The following LRRC49 variants were observed in gnomAD, a reference collection of about 807,000 sequenced individuals.
The protein encoded by LRRC49 is leucine-rich repeat-containing protein 49.
Under a neutral mutation model 83.3 loss-of-function variants are expected in LRRC49, and 50 were observed. That is an observed-to-expected ratio of 0.60 (90% CI 0.48 to 0.76). The LOEUF (loss-of-function observed/expected upper bound fraction) is 0.76, where lower values mean the gene tolerates loss of function less well. Among genes scored for constraint, LRRC49 ranks in the 30% least tolerant of loss-of-function variants. LRRC49 has a pLI of 0.00. For missense variants in LRRC49, 704 were observed against 809.1 expected, an observed-to-expected ratio of 0.87 and a Z score of 1.58; for synonymous variants, 286 against 283.3, an observed-to-expected ratio of 1.01 and a Z score of -0.10.
chr15:70,965,635 T>C (rs2036768652), intron 9 of LRRC49, among the ~76,000 whole-genome samples: 1 of 152,098 alleles, frequency 6.6e-6, no homozygotes, highest in African/African-American at 2.4e-5. Context: ...ATTAATATCA[T>C]AGCAGTGATT....
At chr15:70,903,087 A>G (rs1022905413) in intron 4 of LRRC49, among the ~76,000 whole-genome samples, 2 of 152,138 alleles carry the variant, frequency 1.3e-5, no homozygotes, top group African/African-American at 4.8e-5. Context: ...CGATTCAAGA[A>G]TTGGATGAAA....
At chr15:70,900,810 A>C in intron 3 of LRRC49, 112 bp from the exon 4 acceptor site, 1 of 670,652 alleles carries the variant, frequency 1.5e-6, no homozygotes, top group Non-Finnish European at 2.6e-6. Context: ...TGGAAACTAT[A>C]CTTTCTAGAT....
intron 8 of LRRC49, among the ~76,000 whole-genome samples, chr15:70,950,919 T>C (rs1428326913): frequency 2.0e-5 from 3 of 152,194 alleles, no homozygotes; most frequent in Non-Finnish European, 2.9e-5. Context: ...TTAATCCATG[T>C]TGAGTTAATT....
At chr15:70,879,678 A>G (rs1307050759) in intron 2 of LRRC49, among the ~76,000 whole-genome samples, 4 of 152,070 alleles carry the variant, frequency 2.6e-5, no homozygotes, top group Non-Finnish European at 5.9e-5. Context: ...CCTCTTTTCC[A>G]TGACTTGCCC....
At chr15:71,036,470 G>T (rs1249888828) in intron 14 of LRRC49, among the ~76,000 whole-genome samples, 1 of 152,084 alleles carries the variant, frequency 6.6e-6, no homozygotes, top group East Asian at 1.9e-4. Context: ...TCAATCTTCA[G>T]TACACAGTTC....
At chr15:71,021,365 GGT>G (rs1300671196) in intron 14 of LRRC49, among the ~76,000 whole-genome samples, 1 of 152,060 alleles carries the variant, frequency 6.6e-6, no homozygotes, top group Non-Finnish European at 1.5e-5. Context: ...TAATTTCTAT[GGT>G]AACCAAATAA....
intron 8 of LRRC49, among the ~76,000 whole-genome samples, chr15:70,953,440 G>C (rs958664531): frequency 6.6e-6 from 1 of 152,132 alleles, no homozygotes; most frequent in Admixed American, 6.6e-5. Context: ...TTTCTTCAAG[G>C]ATATTGAAAA....
chr15:70,895,736 G>T (rs907459892), intron 2 of LRRC49, 113 bp from the exon 3 acceptor site: 6 of 564,198 alleles, frequency 1.1e-5, no homozygotes, highest in African/African-American at 9.7e-5. Flanking sequence ...TGTTTTCAAG[G>T]TTCATCCACA....
chr15:70,957,405 G>T (rs986943377), intron 8 of LRRC49, among the ~76,000 whole-genome samples: 13 of 151,728 alleles, frequency 8.6e-5, no homozygotes, highest in Admixed American at 4.6e-4. Context: ...TAATATATAG[G>T]GTCATAATGC....
At chr15:70,978,524 C>T (rs1258995365) in intron 9 of LRRC49, among the ~76,000 whole-genome samples, 1 of 152,162 alleles carries the variant, frequency 6.6e-6, no homozygotes, top group Non-Finnish European at 1.5e-5. Context: ...TATGCAAAGA[C>T]ACAAGAATAT....
chr15:70,903,875 A>G (rs1167403962), intron 4 of LRRC49, among the ~76,000 whole-genome samples: 1 of 152,160 alleles, frequency 6.6e-6, no homozygotes, highest in African/African-American at 2.4e-5. Context: ...AGCTCAAAGC[A>G]TATATTTTTA....
At chr15:71,015,274 T>C (rs2038788247) in intron 14 of LRRC49, among the ~76,000 whole-genome samples, 1 of 152,204 alleles carries the variant, frequency 6.6e-6, no homozygotes, top group Non-Finnish European at 1.5e-5. Flanking sequence ...TTTGATGATA[T>C]GCAGCGGCAG....
chr15:71,023,342 T>G (rs190321862), intron 14 of LRRC49, among the ~76,000 whole-genome samples: 1 of 152,142 alleles, frequency 6.6e-6, no homozygotes, highest in African/African-American at 2.4e-5. Flanking sequence ...CTAATAAAAG[T>G]GATAACAAAT....
chr15:70,872,503 G>C (rs1388812814), intron 1 of LRRC49, among the ~76,000 whole-genome samples: 3 of 152,130 alleles, frequency 2.0e-5, no homozygotes, highest in Non-Finnish European at 4.4e-5. Context: ...ATTCATATTG[G>C]TGCTAAGAGA....
intron 6 of LRRC49, among the ~76,000 whole-genome samples, chr15:70,912,528 AT>A (rs2034591140): frequency 6.6e-6 from 1 of 151,590 alleles, no homozygotes; most frequent in African/African-American, 2.4e-5. Flanking sequence ...AGACTTCTTA[AT>A]TTTTTTCTGA....
chr15:70,963,616 C>T (rs916450984), intron 8 of LRRC49, among the ~76,000 whole-genome samples, 169 bp from the exon 9 acceptor site: 8 of 152,152 alleles, frequency 5.3e-5, no homozygotes, highest in African/African-American at 1.9e-4. Flanking sequence ...ACTATACTAA[C>T]ACAAGATGTT....
Position 70,871,898 on chromosome 15 carries a change from C to A in LRRC49, c.-298-1010C>A, listed in dbSNP as rs1177524606. Among the ~76,000 whole-genome samples, 9 of 150,778 alleles carry A rather than the reference C, an allele frequency of 6.0e-5. No individual in the cohort carries two copies. The South Asian group carries it at 1.1e-3, about 18-fold the overall frequency. ...GGGATGGTGGCCGGGAAGAGGCGCT[C>A]CTTACTTCCCAGACTGGGCGGCCGG... is the stretch of plus-strand genomic sequence containing the variant. On this transcript the variant is annotated intron_variant, in intron 1 of 16. Transcript: ENST00000544974.
chr15:70,918,735 G>A (rs1215858242), intron 6 of LRRC49: 1 of 198,734 alleles, frequency 5.0e-6, no homozygotes, highest in East Asian at 1.4e-4. Flanking sequence ...TTGGCAGGTA[G>A]TATGTAGCCT....
chr15:70,912,734 T>C (rs1419655231), intron 6 of LRRC49, among the ~76,000 whole-genome samples: 3 of 152,156 alleles, frequency 2.0e-5, no homozygotes, highest in Non-Finnish European at 4.4e-5. Context: ...TGGAGTGCAG[T>C]GGTGCAATCT....
Sources: allele counts gnomAD v4.1 joint callset (sites outside exome capture counted in the v4.1 genomes callset), GRCh38; gene constraint gnomAD v4.1.1; transcripts MANE v1.5; gene names NCBI Gene and HGNC (gene_info 2026-07-23, HGNC 2026-07-21).